The following STAU1 variants were observed in gnomAD, a reference collection of about 807,000 sequenced individuals.
The protein encoded by STAU1 is staufen double-stranded RNA binding protein 1.
In STAU1, 13 loss-of-function variants were observed where a neutral mutation model predicts 62.9. That is an observed-to-expected ratio of 0.21 (90% CI 0.13 to 0.33). STAU1 has a LOEUF of 0.33. Among genes scored for constraint, STAU1 ranks in the 10% least tolerant of loss-of-function variants. STAU1 has a pLI of 1.00. For synonymous variants in STAU1, 269 were observed against 265.1 expected (o/e 1.01, Z -0.14); for missense variants, 571 against 712.1 (o/e 0.80, Z 2.25).
the STAU1 span, among the ~76,000 whole-genome samples, chr20:49,199,745 G>A: frequency 6.6e-6 from 1 of 151,572 alleles, no homozygotes; most frequent in East Asian, 1.9e-4. Flanking sequence ...GCTAAGTTTT[G>A]TATTTTTTAG....
intron 3 of STAU1, among the ~76,000 whole-genome samples, chr20:49,159,925 T>G (rs1043574986): frequency 7.9e-5 from 12 of 152,242 alleles, no homozygotes; most frequent in Non-Finnish European, 1.5e-4. Flanking sequence ...AAAACAACAT[T>G]TTTAAGCTAG....
At chr20:49,154,572 AAC>A (rs2093324786) in intron 3 of STAU1, among the ~76,000 whole-genome samples, 2 of 152,224 alleles carry the variant, frequency 1.3e-5, no homozygotes, top group Admixed American at 1.3e-4. Context: ...AAGCTTAAGA[AAC>A]ACAATTCCTG....
At chr20:49,120,260 C>T (rs1160198351) in intron 8 of STAU1, 132 bp from the exon 9 acceptor site, 3 of 1,013,404 alleles carry the variant, frequency 3.0e-6, no homozygotes, top group East Asian at 5.4e-5. Context: ...AACCTGGCCT[C>T]CTTGTCTCTG....
rs145558067 is a variant in STAU1, at chr20:49,153,710, CAAAAAAAAAAAAAAAAAAA to C, written c.344+204_344+222del. Among the ~76,000 whole-genome samples the C allele has an allele frequency of 3.0e-4, 20 of 67,590 alleles. 1 individual carries two copies. In the South Asian group the frequency reaches 5.7e-3, roughly 19 times the overall value. 44.3% of individuals were successfully genotyped at this position (67,590 alleles called of 152,430 possible). A position where few individuals can be genotyped will look rare whatever the true frequency, so the allele number is the denominator to read the frequency against. On this transcript the variant is annotated intron_variant, in intron 4 of 13. Transcript: ENST00000371856. Reference sequence around the variant, plus strand: ...TGGGTGACAGAGCAAGACTCTGTCTCAAAAAAAAAAAAAAAAAAAAAAAAAAAAAAAAGAAAGAAAGAAA... The same window carrying C: ...TGGGTGACAGAGCAAGACTCTGTCTCAAAAAAAAAAAAAGAAAGAAAGAAA...
At chr20:49,131,857 C>CA (rs2092757931) in intron 6 of STAU1, among the ~76,000 whole-genome samples, 1 of 144,310 alleles carries the variant, frequency 6.9e-6, no homozygotes, top group Non-Finnish European at 1.5e-5. Flanking sequence ...AAAAAAAAAA[C>CA]AAAAGGAAGG....
intron 5 of STAU1, among the ~76,000 whole-genome samples, chr20:49,140,509 G>GA (rs2092985045): frequency 6.6e-6 from 1 of 151,936 alleles, no homozygotes; most frequent in Admixed American, 6.6e-5. Context: ...TGCTATAACA[G>GA]AGACGAACCT....
intron 5 of STAU1, among the ~76,000 whole-genome samples, chr20:49,146,222 C>T (rs1269557501): frequency 6.6e-6 from 1 of 151,780 alleles, no homozygotes; most frequent in Non-Finnish European, 1.5e-5. Context: ...GCCAAAATCA[C>T]ACCACTACAC....
the STAU1 span, among the ~76,000 whole-genome samples, chr20:49,216,007 C>CAA: frequency 0.019 from 685 of 36,456 alleles, 64 homozygotes; most frequent in Middle Eastern, 0.036. Context: ...GACTATGTCT[C>CAA]AAAAAAAAAA....
rs368164242 is a variant in STAU1 at position 49,186,823 on chromosome 20, C to T, written c.-160+1293G>A. ...CAACCGGGAACCTGATTTAACTCCACCACGCTCTTAACAATGAAAGCTACA... is the reference window on the plus strand; with the variant it reads ...CAACCGGGAACCTGATTTAACTCCATCACGCTCTTAACAATGAAAGCTACA... On this transcript the variant is annotated intron_variant, in intron 1 of 13. Coordinates refer to ENST00000371856, the MANE Select transcript of STAU1 (RefSeq NM_017453.4). 9.9e-5 allele frequency among the ~76,000 whole-genome samples: 15 copies of T among 152,004 alleles called. 1 individual carries two copies. The highest frequency in any genetic ancestry group is 8.3e-4 in the South Asian group (4 of 4,814).
intron 6 of STAU1, among the ~76,000 whole-genome samples, chr20:49,125,537 A>G (rs1453529808): frequency 6.8e-6 from 1 of 147,880 alleles, no homozygotes; most frequent in African/African-American, 2.5e-5. Flanking sequence ...CTCAAAGGAA[A>G]AAAAAAAAAA....
At chr20:49,132,071 G>T (rs760085945) in intron 6 of STAU1, among the ~76,000 whole-genome samples, 14 of 151,680 alleles carry the variant, frequency 9.2e-5, no homozygotes, top group Non-Finnish European at 1.8e-4. Flanking sequence ...AGCGGAGAAT[G>T]GGGGGTAGGA....
chr20:49,184,786 G>C (rs1233607772), intron 1 of STAU1, among the ~76,000 whole-genome samples: 1 of 152,076 alleles, frequency 6.6e-6, no homozygotes, highest in Non-Finnish European at 1.5e-5. Context: ...AATTTTAAGA[G>C]GTGTATCTTT....
chr20:49,161,386 G>GA (rs2093445895), intron 3 of STAU1, among the ~76,000 whole-genome samples: 1 of 152,076 alleles, frequency 6.6e-6, no homozygotes, highest in Admixed American at 6.6e-5. Flanking sequence ...TGGCAAGGAT[G>GA]AAAAAAGAAG....
intron 3 of STAU1, among the ~76,000 whole-genome samples, chr20:49,161,473 T>G (rs556830786): frequency 6.6e-6 from 1 of 152,332 alleles, no homozygotes; most frequent in African/African-American, 2.4e-5. Flanking sequence ...AACATGTATT[T>G]TGAATTACAG....
At chr20:49,146,705 C>CA (rs113862517) in intron 5 of STAU1, among the ~76,000 whole-genome samples, 2,253 of 120,634 alleles carry the variant, frequency 0.019, 25 homozygotes, top group African/African-American at 0.043. Flanking sequence ...ACCCTATCTC[C>CA]AAAAAAAAAA....
the STAU1 span, among the ~76,000 whole-genome samples, chr20:49,211,817 C>T: frequency 6.6e-6 from 1 of 152,188 alleles, no homozygotes; most frequent in East Asian, 1.9e-4. Context: ...CTGCCTCAGC[C>T]TCCTGAGTAG....
At chr20:49,150,762 A>C (rs1053307280) in intron 5 of STAU1, among the ~76,000 whole-genome samples, 3 of 152,036 alleles carry the variant, frequency 2.0e-5, no homozygotes, top group Admixed American at 2.0e-4. Context: ...CGATGCTGTG[A>C]TTTCTGAGCC....
chr20:49,214,445 G>A, the STAU1 span, among the ~76,000 whole-genome samples: 3 of 151,216 alleles, frequency 2.0e-5, no homozygotes, highest in South Asian at 6.3e-4. Flanking sequence ...TTGAACCCGG[G>A]AGGCAGAAGT....
At chr20:49,207,875 A>G in the STAU1 span, among the ~76,000 whole-genome samples, 1 of 151,332 alleles carries the variant, frequency 6.6e-6, no homozygotes, top group Non-Finnish European at 1.5e-5. Context: ...TAAGTGACCA[A>G]GATAATTTTA....
Sources: allele counts gnomAD v4.1 joint callset (sites outside exome capture counted in the v4.1 genomes callset), GRCh38; gene constraint gnomAD v4.1.1; transcripts MANE v1.5; gene names NCBI Gene and HGNC (gene_info 2026-07-23, HGNC 2026-07-21).